Variants in ACSM3 observed in about 807,000 individuals in gnomAD.
ACSM3 encodes the protein acyl-CoA synthetase medium chain family member 3.
ACSM3 carries 61 observed loss-of-function variants against 74.1 expected under a neutral mutation model. The observed-to-expected ratio is 0.82, with a 90% CI of 0.67 to 1.02. The LOEUF is 1.02. Ranked by LOEUF, ACSM3 falls within the 50% of genes least tolerant of loss-of-function variation. ACSM3 has a pLI of 0.00. For missense variants in ACSM3, 660 were observed against 697.0 expected (o/e 0.95, Z 0.60); for synonymous variants, 213 against 241.5 (o/e 0.88, Z 1.09).
chr16:20,686,183 G>A (rs960373895), intron 1 of ACSM3, among the ~76,000 whole-genome samples: 5 of 151,766 alleles, frequency 3.3e-5, no homozygotes, highest in African/African-American at 1.2e-4. Flanking sequence ...AAACAAAAGA[G>A]GCTTACTTAA....
intron 1 of ACSM3, chr16:20,736,184 C>A (rs2079867380): frequency 6.6e-6 from 1 of 152,074 alleles, no homozygotes; most frequent in East Asian, 1.9e-4. Flanking sequence ...AAGTAGCTTT[C>A]TTTATTAAGA....
rs5717 is a variant in ACSM3 at position 20,786,149 on chromosome 16, C to T, written c.1215C>T (p.Phe405=). Residue 405 remains phenylalanine (F), a synonymous_variant, in exon 9 of 14, where the codon TTC becomes TTT. Coordinates refer to ENST00000289416, the MANE Select transcript of ACSM3 (RefSeq NM_005622.4). The part of the protein sequence containing the change: ...PGSMGKPSPA[F]DVKIVDVNGN... ...CAATGGGAAAACCTTCTCCTGCTTT[C>T]GATGTTAAGGTTTGCACATCCCCTT... 1.3e-3 allele frequency: 2,031 copies of T among 1,609,406 alleles called. 30 individuals are homozygous for T. The African/African-American group carries it at 0.024, about 19-fold the overall frequency.
intron 1 of ACSM3, among the ~76,000 whole-genome samples, chr16:20,745,637 C>A (rs2079954766): frequency 1.3e-5 from 2 of 152,198 alleles, no homozygotes; most frequent in South Asian, 4.1e-4. Flanking sequence ...CTTGTGGCAC[C>A]ATCTAGAGTA....
intron 3 of ACSM3, among the ~76,000 whole-genome samples, chr16:20,758,341 C>T (rs1176871201): frequency 2.0e-5 from 3 of 152,222 alleles, no homozygotes; most frequent in Non-Finnish European, 4.4e-5. Flanking sequence ...AGAGATTCAA[C>T]TTCTTCCTGG....
At chr16:20,737,359 T>A (rs2079880173) in intron 1 of ACSM3, 1 of 1,465,552 alleles carries the variant, frequency 6.8e-7, no homozygotes, top group Non-Finnish European at 9.1e-7. Flanking sequence ...AAATCTTTTG[T>A]CTCTGTTTCT....
intron 4 of ACSM3, among the ~76,000 whole-genome samples, chr16:20,778,898 A>T (rs1419947248): frequency 6.6e-6 from 1 of 152,108 alleles, no homozygotes; most frequent in East Asian, 1.9e-4. Flanking sequence ...TTACAGGCAC[A>T]TGCCACTATG....
intron 1 of ACSM3, among the ~76,000 whole-genome samples, chr16:20,707,200 A>T (rs1225678157): frequency 6.6e-6 from 1 of 152,142 alleles, no homozygotes; most frequent in Non-Finnish European, 1.5e-5. Flanking sequence ...GCAGATCCTG[A>T]AAAGGCCCTG....
intron 1 of ACSM3, among the ~76,000 whole-genome samples, chr16:20,722,486 G>A (rs2079789268): frequency 6.6e-6 from 1 of 151,994 alleles, no homozygotes; most frequent in Admixed American, 6.6e-5. Flanking sequence ...AAGATGTCTA[G>A]GCCATTATCT....
intron 1 of ACSM3, among the ~76,000 whole-genome samples, chr16:20,740,373 C>G (rs1306554750): frequency 4.6e-5 from 7 of 152,206 alleles, no homozygotes; most frequent in African/African-American, 1.7e-4. Context: ...CAACCTCCAC[C>G]TTGGGTGACA....
rs375981902 is a variant in ACSM3 at position 20,788,273 on chromosome 16, A to ATATG, written c.1224+2118_1224+2121dup. Among the ~76,000 whole-genome samples, 140 of 152,294 alleles carry ATATG rather than the reference A, an allele frequency of 9.2e-4. 4 individuals carry two copies. In the South Asian group the frequency reaches 0.028, roughly 31 times the overall value. On this transcript the variant is annotated intron_variant, in intron 9 of 13. Transcript: ENST00000289416. Reference sequence around the variant, plus strand: ...TCATGTCTGCATTACAGGGAAGTTGATATGTAACACAGCTATGTTCTTTTT... The same window carrying ATATG: ...TCATGTCTGCATTACAGGGAAGTTGATATGTATGTAACACAGCTATGTTCTTTTT...
rs1394507713 is a variant in ACSM3, at chr16:20,728,424, AAAG to A, written c.-189-21482_-189-21480del. ...AAATGGCAATGTTCTACCACCTGGC[AAAG>A]AAGGGGAAATTGCCCTCAGACTAAA... On this transcript the variant is annotated intron_variant, in intron 1 of 3. Coordinates refer to the ACSM3 transcript ENST00000561584. 5 of 1,427,558 alleles carry A rather than the reference AAAG, an allele frequency of 3.5e-6. No homozygotes were observed. In the Admixed American group the frequency reaches 6.8e-5, roughly 19 times the overall value. The allele number at this position is 1,427,558 out of a possible 1,614,324, so 88.4% of individuals were successfully genotyped here. A position where few individuals can be genotyped will look rare whatever the true frequency, so the allele number is the denominator to read the frequency against.
At chr16:20,756,838 C>T (rs2080035479) in intron 3 of ACSM3, among the ~76,000 whole-genome samples, 1 of 152,152 alleles carries the variant, frequency 6.6e-6, no homozygotes, top group African/African-American at 2.4e-5. Flanking sequence ...GATCCAGTTT[C>T]AGCTTTCTAC....
Position 20,790,569 on chromosome 16 carries a change from T to G in ACSM3, c.1225-18T>G. On this transcript the variant is annotated intron_variant, in intron 9 of 13. Transcript: ENST00000289416. This position sits in a 1 kb window ranked among gnomAD's most constrained non-coding sequence, Gnocchi z 4.0. ...TAAACAAAAATTTCCTTAAATAAAT[T>G]GTTCTATTTTATCCTAGATTGTAGA... 6.3e-7 allele frequency: 1 copy of G among 1,591,440 alleles called. No individual in the cohort carries two copies. Among genetic ancestry groups the G allele is most frequent in the Non-Finnish European group, 8.6e-7 (1 of 1,164,950 alleles).
intron 1 of ACSM3, among the ~76,000 whole-genome samples, chr16:20,744,863 G>A (rs190414933): frequency 1.3e-5 from 2 of 152,308 alleles, no homozygotes; most frequent in East Asian, 3.9e-4. Context: ...TGCCTGATTT[G>A]AGAATCCTTC....
At chr16:20,738,160 T>C in intron 1 of ACSM3, 1 of 644,318 alleles carries the variant, frequency 1.6e-6, no homozygotes, top group Non-Finnish European at 2.8e-6. Flanking sequence ...TATTTTAACT[T>C]TTCATCATTA....
chr16:20,792,185 A>G (rs376226783), intron 11 of ACSM3, 51 bp from the exon 12 acceptor site: 8 of 1,613,860 alleles, frequency 5.0e-6, no homozygotes, highest in African/African-American at 1.3e-5. Flanking sequence ...TCAGTGTTCT[A>G]GAGTGAACCT....
intron 1 of ACSM3, chr16:20,732,765 T>A (rs750047706): frequency 6.6e-5 from 10 of 152,542 alleles, no homozygotes; most frequent in Non-Finnish European, 1.5e-4. Context: ...CAGTTTCTGG[T>A]GTCTATGAGA....
chr16:20,741,598 T>C (rs895834629), intron 1 of ACSM3: 39 of 1,574,948 alleles, frequency 2.5e-5, no homozygotes, highest in Non-Finnish European at 3.0e-5. Context: ...TTGCAGGTGA[T>C]GAGGATGCCC....
chr16:20,683,491 G>A (rs778174457), intron 1 of ACSM3, among the ~76,000 whole-genome samples: 3 of 151,632 alleles, frequency 2.0e-5, no homozygotes, highest in African/African-American at 4.9e-5. Context: ...CACACTTCTC[G>A]TCCTGACTTT....
Sources: allele counts gnomAD v4.1 joint callset (sites outside exome capture counted in the v4.1 genomes callset), GRCh38; gene constraint gnomAD v4.1.1; non-coding constraint Gnocchi (gnomAD v3.1); transcripts MANE v1.5; gene names NCBI Gene and HGNC (gene_info 2026-07-23, HGNC 2026-07-21).